Variants in UGT1A4 observed in about 807,000 individuals in gnomAD.
The protein encoded by UGT1A4 is UDP glucuronosyltransferase family 1 member A4.
Under a neutral mutation model 41.1 loss-of-function variants are expected in UGT1A4, and 32 were observed. That is an observed-to-expected ratio of 0.78 (90% confidence interval 0.59 to 1.05). The LOEUF is 1.05. Ranked by LOEUF, UGT1A4 falls within the 50% of genes least tolerant of loss-of-function variation. The pLI is 0.00. For missense variants in UGT1A4, 748 were observed against 677.4 expected (o/e 1.10, Z -1.16); for synonymous variants, 283 against 265.1 (o/e 1.07, Z -0.66).
rs1699793349 is a variant in UGT1A4 at position 233,769,122 on chromosome 2, A to G, written c.1307+683A>G. On this transcript the variant is annotated intron_variant, in intron 4 of 4. Transcript: ENST00000373409. The surrounding 1 kb of genome is among the most constrained non-coding windows in gnomAD (Gnocchi z 4.4). ...TAAGAGAAAAACAACTCAAATGCTTAGAAGTACAGCTTTTTGCAGCACTGG... is the reference window on the plus strand; with the variant it reads ...TAAGAGAAAAACAACTCAAATGCTTGGAAGTACAGCTTTTTGCAGCACTGG... Among the ~76,000 whole-genome samples, 1 of 152,252 alleles carries G rather than the reference A, an allele frequency of 6.6e-6. No individual in the cohort carries two copies. The highest frequency in any genetic ancestry group is 1.5e-5 in the Non-Finnish European group (1 of 68,050).
At chr2:233,733,440 C>T (rs1200700751) in intron 1 of UGT1A4, among the ~76,000 whole-genome samples, 12 of 152,030 alleles carry the variant, frequency 7.9e-5, no homozygotes, top group African/African-American at 1.5e-4. Context: ...ATATTGGCTG[C>T]GGGTTTGTCA....
intron 1 of UGT1A4, among the ~76,000 whole-genome samples, chr2:233,722,617 C>G (rs1215514710): frequency 6.6e-6 from 1 of 152,088 alleles, no homozygotes; most frequent in African/African-American, 2.4e-5. Context: ...TTTGATTTTT[C>G]TTAATGAAGC....
In UGT1A4 at chr2:233,768,366, G is replaced by T. The variant is rs36076514; in HGVS notation, c.1234G>T (p.Val412Leu). The T allele has an allele frequency of 5.0e-5, 80 of 1,614,062 alleles. No homozygotes were observed. The Admixed American group carries it at 1.3e-3, about 26-fold the overall frequency. The part of the protein sequence containing the change: ...AKRMETKGAG[V>L]TLNVLEMTSE... ...GCGCATGGAGACTAAGGGAGCTGGA[G>T]TGACCCTGAATGTTCTGGAAATGAC... The change falls in exon 4 of 5, where the codon GTG becomes TTG. Residue 412 changes from valine (V) to leucine (L), a missense_variant. Val to Leu is a conservative substitution (Grantham distance 32). Transcript: ENST00000373409.
At chr2:233,743,465 C>A in intron 1 of UGT1A4, 1 of 1,366,596 alleles carries the variant, frequency 7.3e-7, no homozygotes. Flanking sequence ...AAAACACCCC[C>A]AAAAGCTGGA....
intron 1 of UGT1A4, among the ~76,000 whole-genome samples, chr2:233,724,320 G>T (rs1387925983): frequency 6.8e-6 from 1 of 147,864 alleles, no homozygotes; most frequent in Non-Finnish European, 1.5e-5. Flanking sequence ...GGACGGGGCG[G>T]CTGGCCAGGC....
chr2:233,743,217 C>A, intron 1 of UGT1A4: 2 of 409,784 alleles, frequency 4.9e-6, no homozygotes, highest in Non-Finnish European at 9.6e-6. Context: ...AGTAACTGCT[C>A]TTTGCTATTT....
In UGT1A4 at chr2:233,772,290, A is replaced by G; in HGVS notation, c.1336A>G (p.Ser446Gly). The part of the protein sequence containing the change: ...SYKENIMRLS[S>G]LHKDRPVEPL... Reference sequence around the variant, plus strand: ...CAAGGAGAACATCATGCGCCTCTCCAGCCTTCACAAGGACCGCCCGGTGGA... The same window carrying G: ...CAAGGAGAACATCATGCGCCTCTCCGGCCTTCACAAGGACCGCCCGGTGGA... The change falls in exon 5 of 5, where the codon AGC (serine) becomes GGC (glycine). Residue 446 changes from serine (S) to glycine (G), a missense_variant. Ser to Gly is a moderately conservative substitution (Grantham distance 56). Coordinates refer to ENST00000373409, the MANE Select transcript of UGT1A4 (RefSeq NM_007120.3). The G allele has an allele frequency of 6.2e-7, 1 of 1,614,260 alleles. No individual in the cohort carries two copies. Among genetic ancestry groups the G allele is most frequent in the Non-Finnish European group, 8.5e-7 (1 of 1,180,044 alleles).
At chr2:233,742,507 G>A (rs1692002701) in intron 1 of UGT1A4, among the ~76,000 whole-genome samples, 1 of 151,888 alleles carries the variant, frequency 6.6e-6, no homozygotes, top group Non-Finnish European at 1.5e-5. Flanking sequence ...TGGCTATCAT[G>A]AACACGTCAC....
intron 1 of UGT1A4, among the ~76,000 whole-genome samples, chr2:233,742,222 G>C (rs1373280517): frequency 2.0e-5 from 3 of 151,942 alleles, no homozygotes; most frequent in Non-Finnish European, 4.4e-5. Context: ...TCAGGGCTGA[G>C]AGCCCCAAAC....
intron 1 of UGT1A4, among the ~76,000 whole-genome samples, chr2:233,758,422 T>G (rs1696873705): frequency 6.6e-6 from 1 of 152,238 alleles, no homozygotes; most frequent in South Asian, 2.1e-4. Flanking sequence ...AATCTGCAAA[T>G]GAACTCACAC....
intron 1 of UGT1A4, among the ~76,000 whole-genome samples, chr2:233,761,874 G>A (rs569608885): frequency 2.0e-5 from 3 of 152,320 alleles, no homozygotes; most frequent in East Asian, 1.9e-4. Context: ...TTCAGAGAGC[G>A]TTCATTCACT....
At position 233,767,169 on chromosome 2, in the gene UGT1A4, A is replaced by G; in HGVS notation, c.999+4A>G. On this transcript the variant is annotated splice_donor_region_variant and intron_variant, in intron 2 of 4. Coordinates refer to ENST00000373409, the MANE Select transcript of UGT1A4 (RefSeq NM_007120.3). The stretch of plus-strand genomic sequence containing the variant: ...TTTGGGCAAAATCCCTCAGACAGTA[A>G]GAAGATTCTATACCATGGCCTCATA... 1.2e-6 allele frequency: 2 copies of G among 1,614,122 alleles called. No homozygotes were observed. The highest frequency in any genetic ancestry group is 1.7e-6 in the Non-Finnish European group (2 of 1,180,012).
chr2:233,761,872 G>A (rs1697885478), intron 1 of UGT1A4, among the ~76,000 whole-genome samples: 1 of 152,232 alleles, frequency 6.6e-6, no homozygotes, highest in Admixed American at 6.5e-5. Context: ...ATTTCAGAGA[G>A]CGTTCATTCA....
At chr2:233,733,474 A>T (rs894713711) in intron 1 of UGT1A4, among the ~76,000 whole-genome samples, 1 of 152,316 alleles carries the variant, frequency 6.6e-6, no homozygotes, top group Admixed American at 6.5e-5. Context: ...TTATTTTGAG[A>T]TACTTCCATC....
chr2:233,759,024 C>T (rs1053899140), intron 1 of UGT1A4, among the ~76,000 whole-genome samples: 1 of 152,174 alleles, frequency 6.6e-6, no homozygotes, highest in Admixed American at 6.5e-5. Context: ...ATTTGCTTAT[C>T]TATTTGGTTT....
At chr2:233,754,136 G>C in intron 1 of UGT1A4, among the ~76,000 whole-genome samples, 1 of 152,154 alleles carries the variant, frequency 6.6e-6, no homozygotes, top group Non-Finnish European at 1.5e-5. Flanking sequence ...GCAATTAAAA[G>C]CCATCATTAA....
chr2:233,755,121 G>T, intron 1 of UGT1A4: 1 of 1,328,504 alleles, frequency 7.5e-7, no homozygotes. Context: ...GTAGGCCTCA[G>T]CCACCTGCTT....
Position 233,754,880 on chromosome 2 carries a change from C to T in UGT1A4, c.868-12154C>T, listed in dbSNP as rs764187223. Reference sequence around the variant, plus strand: ...GTGCAGACCCTCTGCTTCTGCTTCCCAGGGAGTTCCTCTGACCCCCCAAAA... The same window carrying T: ...GTGCAGACCCTCTGCTTCTGCTTCCTAGGGAGTTCCTCTGACCCCCCAAAA... On this transcript the variant is annotated intron_variant, in intron 1 of 4. Transcript: ENST00000373409. 3.0e-6 allele frequency: 4 copies of T among 1,352,340 alleles called. No homozygotes were observed. The South Asian group carries it at 4.6e-5, about 15-fold the overall frequency. The allele number at this position is 1,352,340 out of a possible 1,614,324, so 83.8% of individuals were successfully genotyped here.
chr2:233,729,663 T>C (rs137893400), intron 1 of UGT1A4: 1,316 of 1,613,944 alleles, frequency 8.2e-4, no homozygotes, highest in Non-Finnish European at 1.0e-3. Context: ...TTCCATGTGA[T>C]TTAGACTTTA....
Sources: allele counts gnomAD v4.1 joint callset (sites outside exome capture counted in the v4.1 genomes callset), GRCh38; gene constraint gnomAD v4.1.1; non-coding constraint Gnocchi (gnomAD v3.1); transcripts MANE v1.5; gene names NCBI Gene and HGNC (gene_info 2026-07-23, HGNC 2026-07-21).